The following PTPRN2 variants were observed in gnomAD, a reference collection of about 807,000 sequenced individuals.
The protein encoded by PTPRN2 is receptor-type tyrosine-protein phosphatase N2.
A neutral mutation model predicts 118.8 loss-of-function variants in PTPRN2; 74 were observed. That is an observed-to-expected ratio of 0.62 (90% confidence interval 0.52 to 0.76). The LOEUF (loss-of-function observed/expected upper bound fraction) is 0.76, where lower values mean the gene tolerates loss of function less well. Among genes scored for constraint, PTPRN2 ranks in the 30% least tolerant of loss-of-function variants. The probability of loss-of-function intolerance (pLI) is 0.00; values close to 1 mark genes in which losing one functional copy is unlikely to be tolerated. For synonymous variants in PTPRN2, 641 were observed against 608.0 expected (o/e 1.05, Z -0.80); for missense variants, 1,481 against 1,394.4 (o/e 1.06, Z -0.99).
At chr7:158,239,918 A>T (rs1056465429) in intron 3 of PTPRN2, among the ~76,000 whole-genome samples, 3 of 152,192 alleles carry the variant, frequency 2.0e-5, no homozygotes, top group Non-Finnish European at 2.9e-5. Flanking sequence ...CGTAGATGAC[A>T]CGTTGAGGGT....
chr7:158,117,075 A>C (rs1310467803), intron 9 of PTPRN2, among the ~76,000 whole-genome samples: 2 of 152,112 alleles, frequency 1.3e-5, no homozygotes, highest in Non-Finnish European at 2.9e-5. Context: ...AGGTAAGTCA[A>C]CAATAATTGT....
chr7:158,145,332 G>A (rs1231144852), intron 6 of PTPRN2, among the ~76,000 whole-genome samples: 1 of 152,000 alleles, frequency 6.6e-6, no homozygotes, highest in African/African-American at 2.4e-5. Context: ...ACGGTGAGAA[G>A]GTTCCAGAAT....
chr7:157,849,126 G>A lies in PTPRN2; in HGVS notation c.1788+49547C>T, dbSNP rs1284193699. 5.3e-5 allele frequency among the ~76,000 whole-genome samples: 8 copies of A among 152,200 alleles called. No individual in the cohort carries two copies. In the South Asian group the frequency reaches 6.2e-4, roughly 12 times the overall value. On this transcript the variant is annotated intron_variant, in intron 12 of 22. Coordinates refer to ENST00000389418, the MANE Select transcript of PTPRN2 (RefSeq NM_002847.5). ...AGGTCCTTCTCAGTTCCCACCGGCCGGGCTGACGCTGGTCTCCAGGGTGAT... is the reference window on the plus strand; with the variant it reads ...AGGTCCTTCTCAGTTCCCACCGGCCAGGCTGACGCTGGTCTCCAGGGTGAT...
chr7:158,503,728 C>T (rs73729656), intron 1 of PTPRN2, among the ~76,000 whole-genome samples: 138 of 152,320 alleles, frequency 9.1e-4, no homozygotes, highest in African/African-American at 3.0e-3. Context: ...TGGCCAGCCA[C>T]GGTGGCTCAC....
At chr7:158,511,667 G>A (rs60876184) in intron 1 of PTPRN2, among the ~76,000 whole-genome samples, 2,381 of 152,218 alleles carry the variant, frequency 0.016, 73 homozygotes, top group African/African-American at 0.055. Context: ...CCATGTTTCC[G>A]GCTAAGCGTC....
In PTPRN2 at chr7:158,198,500, C is replaced by T. The variant is rs541978115; in HGVS notation, c.381-6005G>A. Among the ~76,000 whole-genome samples, 22 of 152,338 alleles carry T rather than the reference C, an allele frequency of 1.4e-4. No homozygotes were observed. The South Asian group carries it at 4.1e-3, about 29-fold the overall frequency. The stretch of plus-strand genomic sequence containing the variant: ...TGTTAAAGGAAAAAATTCCACATTA[C>T]AGGCCCATCTTATGTTTTATATCCA... On this transcript the variant is annotated intron_variant, in intron 4 of 22. Coordinates refer to ENST00000389418, the MANE Select transcript of PTPRN2 (RefSeq NM_002847.5).
chr7:157,797,657 G>A (rs2151088608), intron 12 of PTPRN2, among the ~76,000 whole-genome samples: 1 of 152,358 alleles, frequency 6.6e-6, no homozygotes, highest in Middle Eastern at 3.4e-3. Context: ...GAGCTGCCCT[G>A]CAGGCCTGTG....
rs1396803257 is a variant in PTPRN2, at chr7:157,861,461, C to T, written c.1788+37212G>A. Reference sequence around the variant, plus strand: ...ATGCCCTGTGGCATCTGCCTCCTGCCCTCGGACATGCTGGCCCGCCCTCCC... The same window carrying T: ...ATGCCCTGTGGCATCTGCCTCCTGCTCTCGGACATGCTGGCCCGCCCTCCC... On this transcript the variant is annotated intron_variant, in intron 12 of 22. Transcript: ENST00000389418. This position sits in a 1 kb window ranked among gnomAD's most constrained non-coding sequence, Gnocchi z 5.8. Among the ~76,000 whole-genome samples, 1 of 152,222 alleles carries T rather than the reference C, an allele frequency of 6.6e-6. No homozygotes were observed. The highest frequency in any genetic ancestry group is 1.5e-5 in the Non-Finnish European group (1 of 68,036).
chr7:157,759,286 C>T (rs995552715), intron 12 of PTPRN2, among the ~76,000 whole-genome samples: 4 of 152,204 alleles, frequency 2.6e-5, no homozygotes, highest in East Asian at 1.9e-4. Context: ...GTCCACCATG[C>T]GCCAAGGGAG....
rs113209130 is a variant in PTPRN2, at chr7:157,571,042, C to T, written c.2837+398G>A. On this transcript the variant is annotated intron_variant, in intron 20 of 22. Coordinates refer to ENST00000389418, the MANE Select transcript of PTPRN2 (RefSeq NM_002847.5). Reference sequence around the variant, plus strand: ...GGTGGATCATTTGAGGTCAGGAGTTCAAGACCAGCCTGACCAAATGGTGAA... The same window carrying T: ...GGTGGATCATTTGAGGTCAGGAGTTTAAGACCAGCCTGACCAAATGGTGAA... Among the ~76,000 whole-genome samples the T allele has an allele frequency of 9.2e-5, 14 of 151,988 alleles. 1 individual carries two copies. Among genetic ancestry groups the T allele is most frequent in the African/African-American group, 2.7e-4 (11 of 41,464 alleles).
intron 12 of PTPRN2, among the ~76,000 whole-genome samples, chr7:157,713,727 AATCCCT>A (rs922647023): frequency 1.6e-4 from 24 of 152,220 alleles, no homozygotes; most frequent in Non-Finnish European, 2.8e-4. Flanking sequence ...CAACTCTGCC[AATCCCT>A]CAGACATTCC....
intron 22 of PTPRN2, among the ~76,000 whole-genome samples, chr7:157,546,473 C>T (rs1344041497): frequency 6.6e-6 from 1 of 152,208 alleles, no homozygotes; most frequent in South Asian, 2.1e-4. Flanking sequence ...ATTCCCCTCC[C>T]AGTGTCCATG....
At chr7:157,800,590 G>A (rs1179093879) in intron 12 of PTPRN2, among the ~76,000 whole-genome samples, 2 of 152,182 alleles carry the variant, frequency 1.3e-5, no homozygotes, top group Non-Finnish European at 2.9e-5. Flanking sequence ...CTTGTACCTT[G>A]TTCACTTAAA....
Position 157,611,918 on chromosome 7 carries a change from C to A in PTPRN2, c.2345-7843G>T, listed in dbSNP as rs543509516. Among the ~76,000 whole-genome samples the A allele has an allele frequency of 1.3e-5, 2 of 152,108 alleles. No individual in the cohort carries two copies. Among genetic ancestry groups the A allele is most frequent in the East Asian group, 3.9e-4 (2 of 5,152 alleles). ...GCTGGGGACACGCGGAGGGAGAGCG[C>A]CCGTGTGAAGACGAAGACAGCCGTG... On this transcript the variant is annotated intron_variant, in intron 15 of 22. Transcript: ENST00000389418. The surrounding 1 kb of genome is among the most constrained non-coding windows in gnomAD (Gnocchi z 5.9).
chr7:157,597,488 T>G (rs1262945460), intron 16 of PTPRN2, among the ~76,000 whole-genome samples: 119 of 148,986 alleles, frequency 8.0e-4, no homozygotes, highest in African/African-American at 1.6e-3. Context: ...GTGTGTGTTT[T>G]TTTTTTTGCC....
intron 12 of PTPRN2, among the ~76,000 whole-genome samples, chr7:157,887,469 C>CCAGTGCCCACT (rs1796525851): frequency 3.0e-5 from 3 of 101,402 alleles, no homozygotes; most frequent in Admixed American, 1.1e-4. Flanking sequence ...ACCCGCTCCC[C>CCAGTGCCCACT]CCATTACCTG....
chr7:158,560,218 G>A (rs371458038), intron 1 of PTPRN2, among the ~76,000 whole-genome samples: 9 of 152,218 alleles, frequency 5.9e-5, no homozygotes, highest in East Asian at 3.8e-4. Flanking sequence ...CCACTCATCC[G>A]TCAGTGGACA....
chr7:158,222,163 T>C (rs1218566293), intron 3 of PTPRN2, among the ~76,000 whole-genome samples: 1 of 152,100 alleles, frequency 6.6e-6, no homozygotes, highest in Non-Finnish European at 1.5e-5. Context: ...AGAAAGCAGT[T>C]TGGAAATTTC....
At chr7:157,946,939 C>T (rs906567881) in intron 11 of PTPRN2, among the ~76,000 whole-genome samples, 7 of 152,138 alleles carry the variant, frequency 4.6e-5, no homozygotes, top group African/African-American at 1.7e-4. Flanking sequence ...GTCAAAGAAT[C>T]AGGGGTCTCT....
Sources: gnomAD v4.1 joint callset for allele counts (sites outside exome capture counted in the v4.1 genomes callset) on GRCh38, gnomAD v4.1.1 for gene constraint, Gnocchi (gnomAD v3.1) non-coding constraint, MANE v1.5 for transcripts, NCBI Gene and HGNC (gene_info 2026-07-23, HGNC 2026-07-21) for gene names.